Variants in CSMD1 observed in about 807,000 individuals in gnomAD.
CSMD1 encodes CUB and sushi domain-containing protein 1.
A neutral mutation model predicts 417.5 loss-of-function variants in CSMD1; 213 were observed. The observed-to-expected ratio is 0.51, with a 90% confidence interval of 0.46 to 0.57. The LOEUF is 0.57. Ranked by LOEUF, CSMD1 falls within the 20% of genes least tolerant of loss-of-function variation. The pLI, the probability that CSMD1 is intolerant of heterozygous loss-of-function variation, is 0.00. For missense variants in CSMD1, 6,923 were observed against 4,529.7 expected, an observed-to-expected ratio of 1.53 and a Z score of -15.17; for synonymous variants, 2,862 against 1,736.8, an observed-to-expected ratio of 1.65 and a Z score of -16.11.
intron 3 of CSMD1, among the ~76,000 whole-genome samples, chr8:4,402,640 C>T (rs1422962843): frequency 6.6e-6 from 1 of 152,060 alleles, no homozygotes; most frequent in Non-Finnish European, 1.5e-5. Context: ...AAGACCTATC[C>T]CTCATCACAT....
At chr8:4,346,793 T>C (rs117621282) in intron 3 of CSMD1, among the ~76,000 whole-genome samples, 3,963 of 152,274 alleles carry the variant, frequency 0.026, 88 homozygotes, top group Middle Eastern at 0.071. Context: ...AGTGGTAAGC[T>C]CTGGATACAA....
chr8:3,002,443 A>AT (rs1425509280), intron 52 of CSMD1, among the ~76,000 whole-genome samples: 2 of 152,246 alleles, frequency 1.3e-5, no homozygotes, highest in Admixed American at 6.5e-5. Context: ...GAGGCGAGGC[A>AT]TAGAATAGCT....
At chr8:4,902,071 T>C (rs1268898561) in intron 1 of CSMD1, among the ~76,000 whole-genome samples, 1 of 152,134 alleles carries the variant, frequency 6.6e-6, no homozygotes, top group Non-Finnish European at 1.5e-5. Flanking sequence ...TTAAAGAATA[T>C]ATATGTGTAT....
chr8:4,116,232 G>A (rs1029820268), intron 3 of CSMD1, among the ~76,000 whole-genome samples: 2 of 152,110 alleles, frequency 1.3e-5, no homozygotes, highest in African/African-American at 2.4e-5. Flanking sequence ...GACCTCAGGT[G>A]ATCCACAAGC....
intron 5 of CSMD1, among the ~76,000 whole-genome samples, chr8:3,880,797 A>G (rs760699185): frequency 1.5e-4 from 23 of 152,188 alleles, no homozygotes; most frequent in Non-Finnish European, 3.1e-4. Context: ...TTTCTTTTAG[A>G]TGGTTGGTTA....
At chr8:3,999,507 T>C (rs1431478485) in intron 4 of CSMD1, among the ~76,000 whole-genome samples, 2 of 152,224 alleles carry the variant, frequency 1.3e-5, no homozygotes, top group East Asian at 1.9e-4. Context: ...AGAACCAATC[T>C]TGTCGGCAAC....
At chr8:3,503,868 G>C (rs1585266208) in intron 10 of CSMD1, among the ~76,000 whole-genome samples, 1 of 129,646 alleles carries the variant, frequency 7.7e-6, no homozygotes, top group Admixed American at 8.3e-5. Context: ...CCTAGCCCCT[G>C]GTAGCCACTG....
At chr8:3,647,808 T>C (rs1230251524) in intron 7 of CSMD1, among the ~76,000 whole-genome samples, 1 of 152,228 alleles carries the variant, frequency 6.6e-6, no homozygotes, top group Non-Finnish European at 1.5e-5. Flanking sequence ...AAAGTAAATA[T>C]GGCAAATGTA....
intron 3 of CSMD1, among the ~76,000 whole-genome samples, chr8:4,169,792 T>C (rs972019775): frequency 7.9e-5 from 12 of 152,130 alleles, no homozygotes; most frequent in Non-Finnish European, 8.8e-5. Flanking sequence ...GTTAAACGTA[T>C]CTTCCTTCCA....
At chr8:4,845,478 G>C (rs928832604) in intron 1 of CSMD1, among the ~76,000 whole-genome samples, 2 of 152,208 alleles carry the variant, frequency 1.3e-5, no homozygotes, top group African/African-American at 4.8e-5. Flanking sequence ...CAAAACATCT[G>C]AACGACAATT....
chr8:3,609,266 C>T (rs1801772433), intron 8 of CSMD1, among the ~76,000 whole-genome samples: 1 of 152,144 alleles, frequency 6.6e-6, no homozygotes, highest in Non-Finnish European at 1.5e-5. Context: ...TGACAGTACC[C>T]ACCCATAAAT....
At chr8:4,414,426 T>C (rs1796815863) in intron 3 of CSMD1, among the ~76,000 whole-genome samples, 8 of 152,192 alleles carry the variant, frequency 5.3e-5, no homozygotes, top group Admixed American at 5.2e-4. Flanking sequence ...AAAATAAATG[T>C]TCAATGGATT....
intron 11 of CSMD1, among the ~76,000 whole-genome samples, chr8:3,481,353 T>A (rs913214654): frequency 2.6e-5 from 4 of 152,124 alleles, no homozygotes; most frequent in African/African-American, 9.7e-5. Flanking sequence ...CCATAAATCT[T>A]ACTTAATGAT....
intron 8 of CSMD1, among the ~76,000 whole-genome samples, chr8:3,597,770 A>C (rs1584940438): frequency 6.6e-6 from 1 of 152,052 alleles, no homozygotes; most frequent in Admixed American, 6.6e-5. Flanking sequence ...CTCACTCATA[A>C]GTGGGAGTTG....
chr8:3,868,227 G>C (rs890267962), intron 5 of CSMD1, among the ~76,000 whole-genome samples: 1 of 118,230 alleles, frequency 8.5e-6, no homozygotes, highest in African/African-American at 4.9e-5. Context: ...CCCAGAACGA[G>C]GATGGGGGGG....
chr8:3,286,536 G>GT (rs1038214124), intron 25 of CSMD1, among the ~76,000 whole-genome samples: 3 of 152,098 alleles, frequency 2.0e-5, no homozygotes, highest in Admixed American at 2.0e-4. Context: ...GTGTGAGATG[G>GT]TATCTCATTG....
intron 40 of CSMD1, among the ~76,000 whole-genome samples, chr8:3,150,201 A>C (rs1054567535): frequency 6.6e-6 from 1 of 152,064 alleles, no homozygotes; most frequent in East Asian, 1.9e-4. Context: ...AAACCAAGAA[A>C]CCCGGGAGAA....
At chr8:4,733,840 C>G (rs1005309131) in intron 1 of CSMD1, among the ~76,000 whole-genome samples, 2 of 152,136 alleles carry the variant, frequency 1.3e-5, no homozygotes, top group African/African-American at 2.4e-5. Flanking sequence ...TTATCACTGA[C>G]CATTACAAGA....
chr8:3,523,475 G>A (rs114485795), intron 10 of CSMD1, among the ~76,000 whole-genome samples: 3 of 151,984 alleles, frequency 2.0e-5, no homozygotes, highest in Admixed American at 2.0e-4. Flanking sequence ...AGTCCAATTC[G>A]CCCACCTGTG....
Sources: allele counts gnomAD v4.1 joint callset (sites outside exome capture counted in the v4.1 genomes callset), GRCh38; gene constraint gnomAD v4.1.1; transcripts MANE v1.5; gene names NCBI Gene and HGNC (gene_info 2026-07-23, HGNC 2026-07-21).